Variants in FAM151A observed in about 807,000 individuals in gnomAD.
The protein encoded by FAM151A is family with sequence similarity 151 member A.
Under a neutral mutation model 40.4 loss-of-function variants are expected in FAM151A, and 41 were observed. That is an observed-to-expected ratio of 1.01 (90% CI 0.79 to 1.32). FAM151A has a LOEUF of 1.32. FAM151A is among the 40% of genes most tolerant of loss of function. FAM151A has a pLI of 0.00. For synonymous variants in FAM151A, 337 were observed against 312.5 expected, an observed-to-expected ratio of 1.08 and a Z score of -0.83; for missense variants, 740 against 740.4, an observed-to-expected ratio of 1.00 and a Z score of 0.01.
intron 1 of FAM151A, chr1:54,621,390 G>A (rs1644228574): frequency 6.6e-6 from 1 of 152,194 alleles, no homozygotes; most frequent in Admixed American, 6.5e-5. Flanking sequence ...CTGGGAGGCG[G>A]AGGTTGCACT....
At position 54,622,275 on chromosome 1, in the gene FAM151A, CAAA is replaced by C. The variant is rs34730286; in HGVS notation, c.118+1000_118+1002del. ...TGAGTGACAGAGTGAGACTCTGTCT[CAAA>C]AAAAAAAAAAAAAAAAAAAAGGCCA... is the stretch of plus-strand genomic sequence containing the variant. On this transcript the variant is annotated intron_variant, in intron 1 of 7. Coordinates refer to ENST00000302250, the MANE Select transcript of FAM151A (RefSeq NM_176782.3). 6.4e-3 allele frequency among the ~76,000 whole-genome samples: 295 copies of C among 45,910 alleles called. 1 individual carries two copies. Among genetic ancestry groups the C allele is most frequent in the African/African-American group, 0.024 (270 of 11,160 alleles). 30.1% of individuals were successfully genotyped at this position (45,910 alleles called of 152,430 possible).
At position 54,611,693 on chromosome 1, in the gene FAM151A, G is replaced by C. The variant is rs375087607; in HGVS notation, c.853C>G (p.Leu285Val). The part of the protein sequence containing the change: ...AASDPMSVED[L>V]LYVRDNTAVH... The stretch of plus-strand genomic sequence containing the variant: ...GCAGTGTTATCCCGGACGTAGAGCA[G>C]ATCTTCCACCGACATGGGGTCCGAG... The change falls in exon 6 of 8, where the codon CTG (leucine) becomes GTG (valine). Residue 285 changes from leucine to valine, a missense_variant. Leu to Val is a conservative substitution (Grantham distance 32). Coordinates refer to ENST00000302250, the MANE Select transcript of FAM151A (RefSeq NM_176782.3). The C allele has an allele frequency of 1.4e-5, 22 of 1,614,026 alleles. No individual in the cohort carries two copies. Among genetic ancestry groups the C allele is most frequent in the Admixed American group, 1.3e-4 (8 of 60,008 alleles).
chr1:54,617,139 A>G (rs947326315), intron 2 of FAM151A, among the ~76,000 whole-genome samples: 3 of 152,184 alleles, frequency 2.0e-5, no homozygotes, highest in African/African-American at 7.2e-5. Context: ...CACATAGTTA[A>G]CTCAATCAGG....
At chr1:54,612,375 G>T (rs1226174400) in intron 5 of FAM151A, 111 bp downstream of exon 5, 2 of 743,062 alleles carry the variant, frequency 2.7e-6, no homozygotes, top group South Asian at 1.7e-5. Context: ...ATGAGCACTG[G>T]CAGGGGTTGG....
rs1281205053 is a variant in FAM151A, at chr1:54,609,631, T to A, written c.1395A>T (p.Thr465=). ...PGHVAGRELL[T]AVAEVFPHVT... is the part of the protein sequence containing the mutation. ...CGTGGGGGAAGACCTCAGCCACAGC[T>A]GTAAGCAGCTCTCTGCCAGCCACAT... The change falls in exon 8 of 8, where the codon ACA becomes ACT. Residue 465 remains threonine (T), a synonymous_variant. Transcript: ENST00000302250. 1 of 1,613,652 alleles carries A rather than the reference T, an allele frequency of 6.2e-7. No individual in the cohort carries two copies. The highest frequency in any genetic ancestry group is 8.5e-7 in the Non-Finnish European group (1 of 1,180,030).
rs149077189 is a variant in FAM151A, at chr1:54,614,288, A to C, written c.575+412T>G. Among the ~76,000 whole-genome samples the C allele has an allele frequency of 3.7e-3, 564 of 152,298 alleles. 4 individuals are homozygous for C. Among genetic ancestry groups the C allele is most frequent in the Non-Finnish European group, 4.9e-3 (335 of 68,024 alleles). On this transcript the variant is annotated intron_variant, in intron 4 of 7. Coordinates refer to ENST00000302250, the MANE Select transcript of FAM151A (RefSeq NM_176782.3). ...AGGAATCAAGGTTTTAGACTTCTCT[A>C]GCAGGCCAAATCCTGTGCTGGTCAC...
chr1:54,618,996 A>G (rs890932605), intron 2 of FAM151A, among the ~76,000 whole-genome samples: 1 of 152,182 alleles, frequency 6.6e-6, no homozygotes, highest in Non-Finnish European at 1.5e-5. Flanking sequence ...GTAATTATTA[A>G]TAATGACCTC....
Position 54,610,490 on chromosome 1 carries a change from C to G in FAM151A, c.1006G>C (p.Gly336Arg). Residue 336 changes from glycine (G) to arginine (R), a missense_variant, in exon 7 of 8, where the codon GGG becomes CGG. Coordinates refer to ENST00000302250, the MANE Select transcript of FAM151A (RefSeq NM_176782.3). ...CACTCCACATTCAGACCGTCATCCC[C>G]AGGCAGCTGGAGAAGAGGGATCAGG... ...GSLIPLLQLPGDDGLNVEWLV... is the reference protein window; with the variant it reads ...GSLIPLLQLPRDDGLNVEWLV... 6.7e-7 allele frequency: 1 copy of G among 1,502,942 alleles called. No homozygotes were observed. The highest frequency in any genetic ancestry group is 9.2e-7 in the Non-Finnish European group (1 of 1,089,118). 93.1% of individuals were successfully genotyped at this position (1,502,942 alleles called of 1,614,324 possible).
chr1:54,621,160 C>CA (rs55905389), intron 1 of FAM151A, among the ~76,000 whole-genome samples: 2,389 of 107,822 alleles, frequency 0.022, 32 homozygotes, highest in South Asian at 0.054. Context: ...GACACTGTCT[C>CA]AAAAAAAAAA....
intron 1 of FAM151A, among the ~76,000 whole-genome samples, chr1:54,620,531 C>T (rs1330172067): frequency 1.3e-5 from 2 of 151,302 alleles, no homozygotes; most frequent in Non-Finnish European, 2.9e-5. Context: ...CATGGTGAAA[C>T]CATGTCTCTA....
At chr1:54,615,615 T>C (rs1452159077) in intron 3 of FAM151A, among the ~76,000 whole-genome samples, 1 of 148,288 alleles carries the variant, frequency 6.7e-6, no homozygotes, top group African/African-American at 2.5e-5. Flanking sequence ...TGAGTTGCCG[T>C]GAGGATGAGG....
In FAM151A at chr1:54,609,646, G is replaced by C. The variant is rs1557668179; in HGVS notation, c.1380C>G (p.Gly460=). The C allele has an allele frequency of 3.7e-6, 6 of 1,613,912 alleles. No homozygotes were observed. The highest frequency in any genetic ancestry group is 5.1e-6 in the Non-Finnish European group (6 of 1,180,048). Residue 460 remains glycine, a synonymous_variant, in exon 8 of 8, where the codon GGC becomes GGG. Transcript: ENST00000302250. ...CAGCCACAGCTGTAAGCAGCTCTCT[G>C]CCAGCCACATGGCCGGGGACCGAAA... ...GSFSVPGHVA[G]RELLTAVAEV... is the part of the protein sequence containing the mutation.
In FAM151A at chr1:54,614,847, T is replaced by C. The variant is rs1644154697; in HGVS notation, c.428A>G (p.Asp143Gly). 2 of 1,613,588 alleles carry C rather than the reference T, an allele frequency of 1.2e-6. No homozygotes were observed. Among genetic ancestry groups the C allele is most frequent in the South Asian group, 1.1e-5 (1 of 90,998 alleles). Reference sequence around the variant, plus strand: ...GCCCACTGCCTTGATGTTCTTGAAGTCCAGTTTGATGCCTGTGGGGAAAGG... The same window carrying C: ...GCCCACTGCCTTGATGTTCTTGAAGCCCAGTTTGATGCCTGTGGGGAAAGG... ...LGSSQKGIKLDFKNIKAVGPS... is the reference protein window; with the variant it reads ...LGSSQKGIKLGFKNIKAVGPS... Residue 143 changes from aspartate to glycine, a missense_variant, in exon 4 of 8, where the codon GAC becomes GGC. Transcript: ENST00000302250.
chr1:54,611,225 G>C (rs1390358401), intron 6 of FAM151A, among the ~76,000 whole-genome samples: 2 of 152,092 alleles, frequency 1.3e-5, no homozygotes, highest in African/African-American at 2.4e-5. Context: ...CTTGAGGGCA[G>C]AAGTTCGAGA....
intron 1 of FAM151A, among the ~76,000 whole-genome samples, chr1:54,620,718 AGGAG>A (rs1644221375): frequency 6.6e-6 from 1 of 151,228 alleles, no homozygotes; most frequent in Admixed American, 6.6e-5. Flanking sequence ...ACGTGGTGGC[AGGAG>A]CCTGTAATCC....
In FAM151A at chr1:54,611,462, G is replaced by A. The variant is rs72903830; in HGVS notation, c.940+144C>T. ...AGCTTAGCATACCATCCCAGGGCCT[G>A]GCACACAAAATGCAGCCGCCTCCTG... On this transcript the variant is annotated intron_variant, in intron 6 of 7. Coordinates refer to ENST00000302250, the MANE Select transcript of FAM151A (RefSeq NM_176782.3). 1,773 of 726,174 alleles carry A rather than the reference G, an allele frequency of 2.4e-3. 25 individuals are homozygous for A. In the African/African-American group the frequency reaches 0.028, roughly 12 times the overall value. 45.0% of individuals were successfully genotyped at this position (726,174 alleles called of 1,614,324 possible).
intron 3 of FAM151A, 91 bp from the exon 4 acceptor site, chr1:54,614,950 GTGTGCA>G: frequency 1.5e-6 from 2 of 1,293,040 alleles, no homozygotes; most frequent in Admixed American, 2.0e-5. Flanking sequence ...GTGTGTGTGT[GTGTGCA>G]TGTGCGTGCA....
At position 54,623,270 on chromosome 1, in the gene FAM151A, G is replaced by A; in HGVS notation, c.118+8C>T. ...GCCACTCAGGATGACATGGGGGGAG[G>A]CACCTACCTGGCCGCCGCAGGGTGA... On this transcript the variant is annotated splice_region_variant and intron_variant, in intron 1 of 7. Transcript: ENST00000302250. The A allele has an allele frequency of 6.2e-7, 1 of 1,603,228 alleles. No homozygotes were observed. The highest frequency in any genetic ancestry group is 1.1e-5 in the South Asian group (1 of 90,774).
At chr1:54,615,973 G>T (rs767482184) in intron 3 of FAM151A, 47 bp downstream of exon 3, 28 of 1,597,478 alleles carry the variant, frequency 1.8e-5, no homozygotes, top group Non-Finnish European at 2.2e-5. Context: ...TGCTGCCCCA[G>T]GGCCAGAGGG....
Sources: gnomAD v4.1 joint callset for allele counts (sites outside exome capture counted in the v4.1 genomes callset) on GRCh38, gnomAD v4.1.1 for gene constraint, MANE v1.5 for transcripts, NCBI Gene and HGNC (gene_info 2026-07-23, HGNC 2026-07-21) for gene names.